CHADL: variants seen among roughly 807,000 people sequenced by gnomAD.
CHADL encodes the protein chondroadherin like, also known as chondroadherin-like protein.
A neutral mutation model predicts 52.1 loss-of-function variants in CHADL; 48 were observed. The observed-to-expected ratio is 0.92, with a 90% CI of 0.73 to 1.17. The LOEUF is 1.17. Among genes scored for constraint, CHADL ranks in the 50% most tolerant of loss-of-function variants. The pLI is 0.00. For synonymous variants in CHADL, 498 were observed against 511.2 expected (o/e 0.97, Z 0.35); for missense variants, 977 against 1,035.1 (o/e 0.94, Z 0.77).
Position 41,238,517 on chromosome 22 carries a change from G to A in CHADL, c.555C>T (p.Arg185=). ...AMAFQGLLRV[R]WLRLSHNALS... is the part of the protein sequence containing the mutation. Reference sequence around the variant, plus strand: ...GCGCGTTGTGCGACAGCCGCAGCCAGCGGACGCGCAGTAGCCCCTGGAAGG... The same window carrying A: ...GCGCGTTGTGCGACAGCCGCAGCCAACGGACGCGCAGTAGCCCCTGGAAGG... Residue 185 remains arginine, a synonymous_variant, in exon 3 of 6, where the codon CGC becomes CGT. Transcript: ENST00000216241. This position sits in a 1 kb window ranked among gnomAD's most constrained non-coding sequence, Gnocchi z 4.9. 6.5e-7 allele frequency: 1 copy of A among 1,542,888 alleles called. No homozygotes were observed. The highest frequency in any genetic ancestry group is 1.2e-5 in the South Asian group (1 of 83,916).
In CHADL at chr22:41,238,772, C is replaced by G; in HGVS notation, c.300G>C (p.Leu100=). ...GGCCACGGAAGGCGCCCTCGGCCAC[C>G]AGCTCCACCTCGCAGTGGCGCAGGT... is the stretch of plus-strand genomic sequence containing the variant. ...HLDLRHCEVE[L]VAEGAFRGLG... is the part of the protein sequence containing the mutation. Residue 100 remains leucine, a synonymous_variant, in exon 3 of 6, where the codon CTG becomes CTC. Coordinates refer to ENST00000216241, the MANE Select transcript of CHADL (RefSeq NM_138481.2). The surrounding 1 kb of genome is among the most constrained non-coding windows in gnomAD (Gnocchi z 4.9). 6.5e-7 allele frequency: 1 copy of G among 1,549,580 alleles called. No individual in the cohort carries two copies.
chr22:41,230,444 C>T, intron 5 of CHADL: 2 of 588,714 alleles, frequency 3.4e-6, no homozygotes, highest in South Asian at 2.0e-5. Context: ...CTGCCCTCCC[C>T]TGTGGAAAGG....
In CHADL at chr22:41,238,972, T is replaced by A. The variant is rs1251584373; in HGVS notation, c.187-87A>T. 1.4e-6 allele frequency: 2 copies of A among 1,425,060 alleles called. No individual in the cohort carries two copies. Among genetic ancestry groups the A allele is most frequent in the Non-Finnish European group, 9.3e-7 (1 of 1,080,384 alleles). 88.3% of individuals were successfully genotyped at this position (1,425,060 alleles called of 1,614,324 possible). A position where few individuals can be genotyped will look rare whatever the true frequency, so the allele number is the denominator to read the frequency against. ...GCTTCTTCCCCGGAACACTCTTTTC[T>A]CCTGTCACCTTTCCCATATTTCTCT... On this transcript the variant is annotated intron_variant, in intron 2 of 5. Coordinates refer to ENST00000216241, the MANE Select transcript of CHADL (RefSeq NM_138481.2). The surrounding 1 kb of genome is among the most constrained non-coding windows in gnomAD (Gnocchi z 4.9).
At chr22:41,239,327 G>A in intron 2 of CHADL, 116 bp downstream of exon 2, 1 of 886,770 alleles carries the variant, frequency 1.1e-6, no homozygotes, top group South Asian at 1.6e-5. Flanking sequence ...GAAGTAATTT[G>A]CCAAGGTCTC....
At chr22:41,230,228 A>T (rs1237933145) in intron 5 of CHADL, 7 of 1,613,532 alleles carry the variant, frequency 4.3e-6, no homozygotes, top group Non-Finnish European at 4.2e-6. Flanking sequence ...CGTCGAGAAC[A>T]TCAAGCAGGA....
Position 41,237,482 on chromosome 22 carries a change from G to A in CHADL, c.1590C>T (p.Asp530=). 1 of 1,550,550 alleles carries A rather than the reference G, an allele frequency of 6.4e-7. No individual in the cohort carries two copies. Among genetic ancestry groups the A allele is most frequent in the Non-Finnish European group, 8.7e-7 (1 of 1,146,954 alleles). ...LPSLFSLHLQ[D]NAVDRLAPGD... ...CAGGTGCCAGGCGGTCCACAGCGTT[G>A]TCCTGCAGGTGCAGGGAGAAGAGGC... Residue 530 remains aspartate (D), a synonymous_variant, in exon 3 of 6, where the codon GAC becomes GAT. Transcript: ENST00000216241.
chr22:41,236,250 C>T (rs2032737919), intron 4 of CHADL, among the ~76,000 whole-genome samples: 1 of 152,214 alleles, frequency 6.6e-6, no homozygotes, highest in Admixed American at 6.5e-5. Flanking sequence ...AGAGCAGATA[C>T]CATGCCCACT....
Position 41,238,407 on chromosome 22 carries a change from G to A in CHADL, c.665C>T (p.Pro222Leu). The change falls in exon 3 of 6, where the codon CCC (proline) becomes CTC (leucine). Residue 222 changes from proline (P) to leucine (L), a missense_variant. Physicochemically the swap from Pro to Leu is moderately conservative, Grantham distance 98. Transcript: ENST00000216241. The surrounding 1 kb of genome is among the most constrained non-coding windows in gnomAD (Gnocchi z 4.9). ...GCGGGCCTGGGACAAGACAGGCCCGGGCAGAGCCTGGAGCTCGTTGTGGTG... is the reference window on the plus strand; with the variant it reads ...GCGGGCCTGGGACAAGACAGGCCCGAGCAGAGCCTGGAGCTCGTTGTGGTG... ...SLHHNELQALPGPVLSQARGL... is the reference protein window; with the variant it reads ...SLHHNELQALLGPVLSQARGL... The A allele has an allele frequency of 6.6e-7, 1 of 1,516,218 alleles. No homozygotes were observed. The highest frequency in any genetic ancestry group is 1.4e-5 in the African/African-American group (1 of 72,348). The allele number at this position is 1,516,218 out of a possible 1,614,324, so 93.9% of individuals were successfully genotyped here. A position where few individuals can be genotyped will look rare whatever the true frequency, so the allele number is the denominator to read the frequency against.
At chr22:41,240,673 CCA>C in intron 1 of CHADL, 199 bp downstream of exon 1, 2 of 603,278 alleles carry the variant, frequency 3.3e-6, no homozygotes. Flanking sequence ...CAGACAAGCC[CCA>C]GAGGACCAGT....
chr22:41,239,715 A>C, intron 1 of CHADL, 95 bp from the exon 2 acceptor site: 1 of 1,141,344 alleles, frequency 8.8e-7, no homozygotes, highest in Non-Finnish European at 1.2e-6. Context: ...CTGCCCCAAA[A>C]ACCCCTCAGA....
At chr22:41,234,720 AT>A (rs1334809976) in intron 5 of CHADL, among the ~76,000 whole-genome samples, 1 of 151,962 alleles carries the variant, frequency 6.6e-6, no homozygotes, top group Non-Finnish European at 1.5e-5. Context: ...CAGCCGGATA[AT>A]TTTTTTGTAT....
In CHADL at chr22:41,236,611, G is replaced by A; in HGVS notation, c.1936C>T (p.Gln646Ter). 1 of 1,550,538 alleles carries A rather than the reference G, an allele frequency of 6.4e-7. No homozygotes were observed. Among genetic ancestry groups the A allele is most frequent in the Non-Finnish European group, 8.7e-7 (1 of 1,146,932 alleles). The change falls in exon 4 of 6, where the codon CAG becomes TAG. Residue 646 changes from glutamine (Q) to a stop codon, truncating the protein, a stop_gained. Coordinates refer to ENST00000216241, the MANE Select transcript of CHADL (RefSeq NM_138481.2). LOFTEE classifies it high-confidence loss of function. ...TGGTTCTTCTGCAGGTGCAGGCTCT[G>A]GAGCCCGGGCCCCAGGCCTGAAAAG... ...GAFSGLGPGL[Q>*]SLHLQKNQLR...
In CHADL at chr22:41,237,338, C is replaced by G. The variant is rs1289353420; in HGVS notation, c.1734G>C (p.Arg578Ser). The G allele has an allele frequency of 6.4e-7, 1 of 1,550,676 alleles. No individual in the cohort carries two copies. Among genetic ancestry groups the G allele is most frequent in the South Asian group, 1.2e-5 (1 of 84,068 alleles). ...CAGTGGGCACCTCTCGCAGCTGATT[C>G]CTGTCCAGGTGCAGCTTCTCCAGCT... ...ARELEKLHLD[R>S]NQLREVPTGA... The change falls in exon 3 of 6, where the codon AGG becomes AGC. Residue 578 changes from arginine (R) to serine (S), a missense_variant. Transcript: ENST00000216241.
In CHADL at chr22:41,239,444, T is replaced by G; in HGVS notation, c.185A>C (p.Glu62Ala). 3 of 1,550,498 alleles carry G rather than the reference T, an allele frequency of 1.9e-6. No individual in the cohort carries two copies. The Admixed American group carries it at 5.9e-5, about 30-fold the overall frequency. The change falls in exon 2 of 6, where the codon GAG becomes GCG. Residue 62 changes from glutamate (E) to alanine (A), a missense_variant and splice_region_variant. Glu to Ala is a moderately radical substitution (Grantham distance 107). Transcript: ENST00000216241. ...NLTEVPDAIP[E>A]LTQRLDLQGN... is the part of the protein sequence containing the mutation. Reference sequence around the variant, plus strand: ...TGCCTGTGCTCCTGCCCTGCTGACCTCAGGGATGGCGTCTGGCACCTCAGT... The same window carrying G: ...TGCCTGTGCTCCTGCCCTGCTGACCGCAGGGATGGCGTCTGGCACCTCAGT...
chr22:41,235,404 A>T (rs905022058), intron 4 of CHADL, 61 bp from the exon 5 acceptor site: 2 of 1,405,566 alleles, frequency 1.4e-6, no homozygotes, highest in Non-Finnish European at 2.0e-6. Context: ...GGCCTGGAGC[A>T]GGTGGGCACT....
chr22:41,229,805 G>T, intron 5 of CHADL, 75 bp from the exon 6 acceptor site: 1 of 1,355,988 alleles, frequency 7.4e-7, no homozygotes, highest in Non-Finnish European at 1.0e-6. Context: ...ACTGGACCCA[G>T]GGTGTTTCCC....
chr22:41,230,015 G>A (rs2032474786), intron 5 of CHADL: 1 of 737,286 alleles, frequency 1.4e-6, no homozygotes, highest in Non-Finnish European at 2.3e-6. Flanking sequence ...AAGGGAAGCT[G>A]GAGGGTGAAG....
chr22:41,236,728 T>C, intron 3 of CHADL, 78 bp from the exon 4 acceptor site: 1 of 1,363,418 alleles, frequency 7.3e-7, no homozygotes, highest in Non-Finnish European at 9.8e-7. Context: ...GAGCCCCATC[T>C]TCCCTCAGCA....
At chr22:41,230,431 C>A (rs1291184408) in intron 5 of CHADL, 2 of 597,372 alleles carry the variant, frequency 3.3e-6, no homozygotes, top group African/African-American at 1.9e-5. Context: ...CCGCCTGTTG[C>A]TTCTGCCCTC....
Sources: gnomAD v4.1 joint callset for allele counts (sites outside exome capture counted in the v4.1 genomes callset) on GRCh38, gnomAD v4.1.1 for gene constraint, Gnocchi (gnomAD v3.1) non-coding constraint, MANE v1.5 for transcripts, NCBI Gene and HGNC (gene_info 2026-07-23, HGNC 2026-07-21) for gene names.